NDUFAF2: variants seen among roughly 807,000 people sequenced by gnomAD.
NDUFAF2 encodes NADH:ubiquinone oxidoreductase complex assembly factor 2.
A neutral mutation model predicts 22.8 loss-of-function variants in NDUFAF2; 13 were observed. The observed-to-expected ratio is 0.57, with a 90% CI of 0.37 to 0.91. The LOEUF (loss-of-function observed/expected upper bound fraction) is 0.91, where lower values mean the gene tolerates loss of function less well. Among genes scored for constraint, NDUFAF2 ranks in the 40% least tolerant of loss-of-function variants. The pLI is 0.01. For synonymous variants in NDUFAF2, 53 were observed against 64.2 expected (o/e 0.83, Z 0.84); for missense variants, 162 against 195.2 (o/e 0.83, Z 1.01).
chr5:61,080,055 C>CA (rs1752423038), intron 2 of NDUFAF2, among the ~76,000 whole-genome samples: 1 of 152,056 alleles, frequency 6.6e-6, no homozygotes, highest in African/African-American at 2.4e-5. Context: ...AAGCAAAAGG[C>CA]AGCTTTTTTT....
At chr5:61,029,817 A>C (rs1038278661) in intron 1 of NDUFAF2, among the ~76,000 whole-genome samples, 5 of 152,130 alleles carry the variant, frequency 3.3e-5, no homozygotes, top group Non-Finnish European at 5.9e-5. Flanking sequence ...TTTATTTTGG[A>C]ATGTTAATGT....
intron 2 of NDUFAF2, among the ~76,000 whole-genome samples, chr5:61,093,094 A>C (rs568630378): frequency 1.3e-5 from 2 of 152,328 alleles, no homozygotes; most frequent in East Asian, 3.9e-4. Flanking sequence ...GAGAGCAGGA[A>C]GCATCCAGCA....
chr5:60,995,428 T>C (rs970608685), intron 1 of NDUFAF2, among the ~76,000 whole-genome samples: 4 of 152,252 alleles, frequency 2.6e-5, no homozygotes, highest in African/African-American at 7.2e-5. Context: ...TCTTGCAGAC[T>C]CATAGAGGTA....
intron 1 of NDUFAF2, among the ~76,000 whole-genome samples, chr5:60,957,811 G>A (rs904305228): frequency 6.6e-6 from 1 of 152,176 alleles, no homozygotes; most frequent in Non-Finnish European, 1.5e-5. Flanking sequence ...GAGAAATAGG[G>A]AAGGGGCTCA....
intron 2 of NDUFAF2, among the ~76,000 whole-genome samples, chr5:61,087,898 T>C (rs536808819): frequency 8.5e-5 from 13 of 152,260 alleles, no homozygotes; most frequent in African/African-American, 3.1e-4. Context: ...ACAATAATAA[T>C]AGCTTAAAAT....
At chr5:61,075,509 G>A (rs1415118107) in intron 2 of NDUFAF2, among the ~76,000 whole-genome samples, 1 of 152,078 alleles carries the variant, frequency 6.6e-6, no homozygotes, top group Non-Finnish European at 1.5e-5. Context: ...CTTAGAATGA[G>A]TTTGTTTTTA....
At chr5:61,054,068 G>A (rs563959769) in intron 1 of NDUFAF2, among the ~76,000 whole-genome samples, 2 of 152,198 alleles carry the variant, frequency 1.3e-5, no homozygotes, top group African/African-American at 4.8e-5. Context: ...GGGCACGTTG[G>A]CATGTGCCTG....
intron 1 of NDUFAF2, among the ~76,000 whole-genome samples, chr5:60,962,141 A>G (rs1035252472): frequency 2.0e-5 from 3 of 151,638 alleles, no homozygotes; most frequent in Admixed American, 6.6e-5. Flanking sequence ...CTTAGGCAAC[A>G]TATCTTTCAC....
At chr5:60,946,460 A>C (rs1316503821) in intron 1 of NDUFAF2, among the ~76,000 whole-genome samples, 1 of 152,100 alleles carries the variant, frequency 6.6e-6, no homozygotes, top group Non-Finnish European at 1.5e-5. Flanking sequence ...AACTTATTTT[A>C]ATATTTAGAC....
At chr5:61,146,708 T>G (rs1741143673) in intron 3 of NDUFAF2, among the ~76,000 whole-genome samples, 1 of 152,182 alleles carries the variant, frequency 6.6e-6, no homozygotes, top group African/African-American at 2.4e-5. Flanking sequence ...GTTGAGCTTC[T>G]TAGATCTGTG....
At chr5:60,987,939 A>T (rs1751104355) in intron 1 of NDUFAF2, among the ~76,000 whole-genome samples, 1 of 152,180 alleles carries the variant, frequency 6.6e-6, no homozygotes, top group African/African-American at 2.4e-5. Flanking sequence ...ATCAGGCAAG[A>T]AAAAGAAATA....
intron 1 of NDUFAF2, among the ~76,000 whole-genome samples, chr5:61,057,891 G>A (rs1423779083): frequency 6.6e-6 from 1 of 151,986 alleles, no homozygotes; most frequent in South Asian, 2.1e-4. Context: ...AGTGGTGCCT[G>A]GTGGCTAAAT....
intron 1 of NDUFAF2, among the ~76,000 whole-genome samples, chr5:60,981,500 TACTG>T (rs970218784): frequency 3.8e-4 from 58 of 152,256 alleles, no homozygotes; most frequent in African/African-American, 1.3e-3. Flanking sequence ...ATACAGAACT[TACTG>T]GTAATAATAT....
chr5:61,134,001 A>G (rs1753143915), intron 3 of NDUFAF2, among the ~76,000 whole-genome samples: 1 of 152,212 alleles, frequency 6.6e-6, no homozygotes, highest in African/African-American at 2.4e-5. Context: ...GGCTATTTGT[A>G]ATAGTAGTAG....
chr5:61,043,177 G>A (rs1469714903), intron 1 of NDUFAF2, among the ~76,000 whole-genome samples: 5 of 152,056 alleles, frequency 3.3e-5, no homozygotes, highest in African/African-American at 4.8e-5. Context: ...CTGAGATCAC[G>A]CCATTGCACT....
At chr5:60,945,534 C>A in intron 1 of NDUFAF2, 152 bp downstream of exon 1, 1 of 1,170,586 alleles carries the variant, frequency 8.5e-7, no homozygotes, top group Non-Finnish European at 1.2e-6. Flanking sequence ...CCCTGTCGAC[C>A]CCTTCACTCT....
intron 1 of NDUFAF2, among the ~76,000 whole-genome samples, chr5:61,000,092 G>A (rs1332558991): frequency 6.6e-6 from 1 of 152,034 alleles, no homozygotes; most frequent in African/African-American, 2.4e-5. Flanking sequence ...GATTGCTGAG[G>A]AGTTTAATAA....
intron 3 of NDUFAF2, among the ~76,000 whole-genome samples, chr5:61,112,529 G>GT (rs1313636772): frequency 6.6e-6 from 1 of 152,018 alleles, no homozygotes; most frequent in Non-Finnish European, 1.5e-5. Context: ...TCTTTTTATA[G>GT]TTTTTGTCTT....
intron 1 of NDUFAF2, among the ~76,000 whole-genome samples, chr5:61,024,290 T>C (rs778598768): frequency 1.3e-5 from 2 of 152,142 alleles, no homozygotes; most frequent in Non-Finnish European, 2.9e-5. Flanking sequence ...AGTGCGTTTT[T>C]CAAACATTTT....
Sources: allele counts gnomAD v4.1 joint callset (sites outside exome capture counted in the v4.1 genomes callset), GRCh38; gene constraint gnomAD v4.1.1; transcripts MANE v1.5; gene names NCBI Gene and HGNC (gene_info 2026-07-23, HGNC 2026-07-21).